Variants in LPP observed in about 807,000 individuals in gnomAD.
LPP encodes lipoma-preferred partner.
In LPP, 38 loss-of-function variants were observed where a neutral mutation model predicts 60.4. The ratio of observed to expected loss-of-function variants is 0.63; its 90% CI spans 0.49 to 0.83. The LOEUF is 0.83. Ranked by LOEUF, LPP falls within the 40% of genes least tolerant of loss-of-function variation. The pLI is 0.00. For missense variants in LPP, 902 were observed against 783.6 expected, an observed-to-expected ratio of 1.15 and a Z score of -1.80; for synonymous variants, 328 against 290.8, an observed-to-expected ratio of 1.13 and a Z score of -1.30.
intron 9 of LPP, among the ~76,000 whole-genome samples, chr3:188,851,270 A>AT (rs1025410506): frequency 1.3e-5 from 2 of 152,310 alleles, no homozygotes; most frequent in East Asian, 3.9e-4. Context: ...CTTTTTAACT[A>AT]TTTTTTTGTA....
At chr3:188,203,384 TTA>T (rs1731693943) in intron 1 of LPP, among the ~76,000 whole-genome samples, 1 of 92,004 alleles carries the variant, frequency 1.1e-5, no homozygotes, top group Non-Finnish European at 1.9e-5. Context: ...ATATTAATAT[TTA>T]TATATTAATA....
chr3:188,483,916 C>A (rs1805534314), intron 4 of LPP, among the ~76,000 whole-genome samples: 2 of 152,122 alleles, frequency 1.3e-5, no homozygotes, highest in African/African-American at 4.8e-5. Context: ...AAATTCAAAC[C>A]CTTTTTTTGA....
chr3:188,160,125 C>A (rs913228623), intron 1 of LPP, among the ~76,000 whole-genome samples: 1 of 151,390 alleles, frequency 6.6e-6, no homozygotes, highest in Non-Finnish European at 1.5e-5. Context: ...GTTGGCCAGG[C>A]GGTCTTGAAC....
At chr3:188,335,185 T>G (rs1033706426) in intron 2 of LPP, among the ~76,000 whole-genome samples, 1 of 152,218 alleles carries the variant, frequency 6.6e-6, no homozygotes, top group African/African-American at 2.4e-5. Context: ...TGTGAAGTGT[T>G]TATTATGCTG....
intron 8 of LPP, among the ~76,000 whole-genome samples, chr3:188,757,264 A>C (rs1730586979): frequency 6.6e-6 from 1 of 152,230 alleles, no homozygotes; most frequent in Non-Finnish European, 1.5e-5. Context: ...TATCACACAG[A>C]AGGAGAACAT....
intron 3 of LPP, among the ~76,000 whole-genome samples, chr3:188,342,130 C>A (rs1188302405): frequency 6.6e-6 from 1 of 152,276 alleles, no homozygotes; most frequent in East Asian, 1.9e-4. Context: ...CACTATACTG[C>A]CAGTGTTACC....
chr3:188,163,299 A>G (rs1037879648), intron 1 of LPP, among the ~76,000 whole-genome samples: 1 of 152,126 alleles, frequency 6.6e-6, no homozygotes, highest in African/African-American at 2.4e-5. Flanking sequence ...CATGGGCTGG[A>G]TAAGCATGAG....
intron 1 of LPP, among the ~76,000 whole-genome samples, chr3:188,215,915 A>G (rs1054933517): frequency 3.9e-5 from 6 of 152,218 alleles, no homozygotes; most frequent in Non-Finnish European, 7.3e-5. Context: ...CAATAAAGCA[A>G]GTGTTCCAAA....
intron 1 of LPP, among the ~76,000 whole-genome samples, chr3:188,206,355 C>T (rs1733228512): frequency 6.6e-6 from 1 of 152,156 alleles, no homozygotes; most frequent in Non-Finnish European, 1.5e-5. Flanking sequence ...TGTGTCTCCC[C>T]TTTGGACTCT....
At chr3:188,512,590 A>AAT (rs1472481382) in intron 5 of LPP, among the ~76,000 whole-genome samples, 1 of 151,442 alleles carries the variant, frequency 6.6e-6, no homozygotes, top group African/African-American at 2.4e-5. Context: ...TAAATAAATA[A>AAT]ATAAAGTTCC....
At chr3:188,465,202 T>C (rs1800077753) in intron 4 of LPP, among the ~76,000 whole-genome samples, 1 of 152,166 alleles carries the variant, frequency 6.6e-6, no homozygotes, top group East Asian at 1.9e-4. Context: ...TAGTAACAGA[T>C]AGAAGTGACA....
At chr3:188,831,361 G>A (rs1213268466) in intron 9 of LPP, among the ~76,000 whole-genome samples, 1 of 152,188 alleles carries the variant, frequency 6.6e-6, no homozygotes, top group Non-Finnish European at 1.5e-5. Context: ...CCAGCAGTTA[G>A]GAGAGAGAGG....
chr3:188,345,860 CAA>C (rs1764205884), intron 3 of LPP, among the ~76,000 whole-genome samples: 1 of 152,170 alleles, frequency 6.6e-6, no homozygotes, highest in South Asian at 2.1e-4. Context: ...TACAGAGGTT[CAA>C]AGAGTAGAAA....
At chr3:188,533,331 C>T (rs1000247412) in intron 6 of LPP, among the ~76,000 whole-genome samples, 1 of 152,172 alleles carries the variant, frequency 6.6e-6, no homozygotes, top group Admixed American at 6.5e-5. Flanking sequence ...ATGAAAACTA[C>T]AACATGCTGA....
At chr3:188,259,160 G>A (rs1038414358) in intron 2 of LPP, among the ~76,000 whole-genome samples, 1 of 152,134 alleles carries the variant, frequency 6.6e-6, no homozygotes, top group African/African-American at 2.4e-5. Flanking sequence ...AATATTTGTA[G>A]TCTCTTTGAT....
Position 188,866,391 on chromosome 3 carries a change from C to G in LPP, c.1589+13C>G. The G allele has an allele frequency of 6.9e-7, 1 of 1,439,836 alleles. No individual in the cohort carries two copies. Among genetic ancestry groups the G allele is most frequent in the Non-Finnish European group, 9.2e-7 (1 of 1,082,906 alleles). 89.2% of individuals were successfully genotyped at this position (1,439,836 alleles called of 1,614,324 possible). ...AGGACTTCCACAAGTAGGCAACCTACTCTCTCGTCACCACCCTGCCAGTCC... is the reference window on the plus strand; with the variant it reads ...AGGACTTCCACAAGTAGGCAACCTAGTCTCTCGTCACCACCCTGCCAGTCC... On this transcript the variant is annotated intron_variant, in intron 10 of 11. Transcript: ENST00000617246.
intron 7 of LPP, among the ~76,000 whole-genome samples, chr3:188,706,841 A>G (rs1865573645): frequency 6.6e-6 from 1 of 152,296 alleles, no homozygotes; most frequent in African/African-American, 2.4e-5. Flanking sequence ...AGCATTCCCA[A>G]CCCACATCTC....
At chr3:188,847,121 G>A (rs1761635960) in intron 9 of LPP, among the ~76,000 whole-genome samples, 1 of 152,206 alleles carries the variant, frequency 6.6e-6, no homozygotes, top group Admixed American at 6.5e-5. Flanking sequence ...CACAATATCT[G>A]CCTAGCAAGA....
chr3:188,413,044 T>C (rs753287882), intron 4 of LPP, among the ~76,000 whole-genome samples: 1 of 152,154 alleles, frequency 6.6e-6, no homozygotes, highest in Non-Finnish European at 1.5e-5. Flanking sequence ...TGATGAGTCC[T>C]GGATTATTGA....
Sources: gnomAD v4.1 joint callset for allele counts (sites outside exome capture counted in the v4.1 genomes callset) on GRCh38, gnomAD v4.1.1 for gene constraint, MANE v1.5 for transcripts, NCBI Gene and HGNC (gene_info 2026-07-23, HGNC 2026-07-21) for gene names.